TDRD1: variants seen among roughly 807,000 people sequenced by gnomAD.
TDRD1 encodes the protein tudor domain containing 1.
In TDRD1, 37 loss-of-function variants were observed where a neutral mutation model predicts 140.6. The ratio of observed to expected loss-of-function variants is 0.26; its 90% confidence interval spans 0.20 to 0.35. The LOEUF is 0.35. Ranked by LOEUF, TDRD1 falls within the 10% of genes least tolerant of loss-of-function variation. The probability of loss-of-function intolerance (pLI) is 1.00; values close to 1 mark genes in which losing one functional copy is unlikely to be tolerated. For synonymous variants in TDRD1, 506 were observed against 475.7 expected, an observed-to-expected ratio of 1.06 and a Z score of -0.83; for missense variants, 1,243 against 1,393.0, an observed-to-expected ratio of 0.89 and a Z score of 1.71.
At position 114,227,972 on chromosome 10, in the gene TDRD1, T is replaced by G. The variant is rs575247450; in HGVS notation, c.3450+16T>G. 6.2e-7 allele frequency: 1 copy of G among 1,612,452 alleles called. No individual in the cohort carries two copies. Among genetic ancestry groups the G allele is most frequent in the East Asian group, 2.2e-5 (1 of 44,850 alleles). On this transcript the variant is annotated intron_variant, in intron 24 of 25. Transcript: ENST00000251864. ...ACAGAAACAAGTAGGTAAAATTTCC[T>G]TTAAGTGAAATTATACTCCTAACGT...
intron 16 of TDRD1, among the ~76,000 whole-genome samples, chr10:114,216,488 A>G (rs753954960): frequency 6.6e-6 from 1 of 152,222 alleles, no homozygotes; most frequent in Non-Finnish European, 1.5e-5. Context: ...ATTAAACTAG[A>G]TAACTAAGGT....
At chr10:114,207,165 T>C (rs1326324627) in intron 11 of TDRD1, among the ~76,000 whole-genome samples, 1 of 152,252 alleles carries the variant, frequency 6.6e-6, no homozygotes, top group African/African-American at 2.4e-5. Context: ...ATCCTTTACT[T>C]TGCTCCTGTA....
intron 16 of TDRD1, among the ~76,000 whole-genome samples, chr10:114,215,829 A>G (rs1049853451): frequency 3.3e-5 from 5 of 152,216 alleles, no homozygotes; most frequent in South Asian, 2.1e-4. Flanking sequence ...AAAAGTGTAT[A>G]TAGTGCAAAG....
chr10:114,175,040 T>TA (rs1342861539), upstream of TDRD1, among the ~76,000 whole-genome samples: 3 of 152,232 alleles, frequency 2.0e-5, no homozygotes, highest in South Asian at 4.1e-4. Context: ...AAGCAAAACT[T>TA]ACTACTGTTC....
intron 21 of TDRD1, among the ~76,000 whole-genome samples, chr10:114,225,680 C>T (rs918091742): frequency 6.6e-6 from 1 of 151,758 alleles, no homozygotes; most frequent in Non-Finnish European, 1.5e-5. Flanking sequence ...GGCAGCATGG[C>T]AAGACTATCT....
At chr10:114,191,010 A>G (rs1342585271) in exon 3 of TDRD1, 3 of 1,613,936 alleles carry the variant, frequency 1.9e-6, no homozygotes, top group South Asian at 1.1e-5. Flanking sequence ...CACCCAAAGA[A>G]GTGAATATTG....
intron 22 of TDRD1, among the ~76,000 whole-genome samples, chr10:114,226,839 A>T (rs1333777085): frequency 2.6e-5 from 4 of 152,174 alleles, no homozygotes; most frequent in Non-Finnish European, 4.4e-5. Context: ...TGAAGGACAG[A>T]TGTGTCTGTT....
exon 10 of TDRD1, chr10:114,204,832 T>C: frequency 6.3e-7 from 1 of 1,599,092 alleles, no homozygotes; most frequent in Non-Finnish European, 8.5e-7. Context: ...CCATAAAGAT[T>C]GTCGACATCT....
chr10:114,217,577 T>G, exon 17 of TDRD1: 2 of 1,603,108 alleles, frequency 1.2e-6, no homozygotes, highest in Non-Finnish European at 1.7e-6. Flanking sequence ...GAACAAGTCA[T>G]TAGCAGAACA....
chr10:114,220,761 A>G, exon 19 of TDRD1: 1 of 1,612,316 alleles, frequency 6.2e-7, no homozygotes, highest in Non-Finnish European at 8.5e-7. Flanking sequence ...TGGTTTTAAA[A>G]TCTGCTTCAC....
At chr10:114,198,517 C>G (rs1044785986) in intron 3 of TDRD1, among the ~76,000 whole-genome samples, 11 of 152,192 alleles carry the variant, frequency 7.2e-5, no homozygotes, top group African/African-American at 2.4e-4. Flanking sequence ...GCCCCACACT[C>G]TCCCTTTGTG....
chr10:114,222,576 A>G lies in TDRD1; in HGVS notation c.2891-11A>G. The G allele has an allele frequency of 1.9e-6, 3 of 1,555,210 alleles. No individual in the cohort carries two copies. Among genetic ancestry groups the G allele is most frequent in the Non-Finnish European group, 2.7e-6 (3 of 1,130,486 alleles). On this transcript the variant is annotated splice_polypyrimidine_tract_variant and intron_variant, in intron 20 of 25. Coordinates refer to ENST00000251864, the Ensembl canonical transcript of TDRD1. Reference sequence around the variant, plus strand: ...ATTTTCTTCACAAAAGATTGCTTTTATATATTTTAGAAAATCAGGAAAAGC... The same window carrying G: ...ATTTTCTTCACAAAAGATTGCTTTTGTATATTTTAGAAAATCAGGAAAAGC...
chr10:114,192,453 C>T (rs11196653), intron 3 of TDRD1, among the ~76,000 whole-genome samples: 1,523 of 151,354 alleles, frequency 0.01, 14 homozygotes, highest in Non-Finnish European at 0.016. Context: ...TACAGGTGGC[C>T]GCCACTACGC....
upstream of TDRD1, among the ~76,000 whole-genome samples, chr10:114,177,544 G>C (rs1000847374): frequency 1.3e-5 from 2 of 152,134 alleles, no homozygotes; most frequent in African/African-American, 4.8e-5. Context: ...TTGACATCAA[G>C]GTCATCAAAA....
chr10:114,231,497 C>A (rs773591579), exon 26 of TDRD1: 10 of 1,602,086 alleles, frequency 6.2e-6, no homozygotes, highest in Non-Finnish European at 8.5e-6. Flanking sequence ...AACAGCATCT[C>A]TTGGAGGTAA....
Position 114,202,394 on chromosome 10 carries a change from T to C in TDRD1, c.696+96T>C, listed in dbSNP as rs1423028009. 4 of 850,922 alleles carry C rather than the reference T, an allele frequency of 4.7e-6. No homozygotes were observed. The African/African-American group carries it at 7.0e-5, about 15-fold the overall frequency. The allele number at this position is 850,922 out of a possible 1,614,324, so 52.7% of individuals were successfully genotyped here. A position where few individuals can be genotyped will look rare whatever the true frequency, so the allele number is the denominator to read the frequency against. ...TAGGCTTATTTCTGTATTTTATCAATATTTAAAGGCAAGTTTCCTATTATA... is the reference window on the plus strand; with the variant it reads ...TAGGCTTATTTCTGTATTTTATCAACATTTAAAGGCAAGTTTCCTATTATA... On this transcript the variant is annotated intron_variant, in intron 6 of 25. Coordinates refer to ENST00000251864, the Ensembl canonical transcript of TDRD1.
chr10:114,198,601 G>A (rs1270856840), intron 3 of TDRD1, among the ~76,000 whole-genome samples: 2 of 147,404 alleles, frequency 1.4e-5, no homozygotes, highest in Admixed American at 6.9e-5. Context: ...CTGTCTTGCT[G>A]GTCTGCCTCT....
At chr10:114,204,869 G>T (rs1323347396) in exon 10 of TDRD1, 5 of 1,592,004 alleles carry the variant, frequency 3.1e-6, no homozygotes, top group Admixed American at 1.8e-5. Context: ...TACCTTTGCT[G>T]TAGAAGTTGA....
At chr10:114,218,636 A>AT in intron 18 of TDRD1, 52 bp downstream of exon 18, 1 of 1,269,050 alleles carries the variant, frequency 7.9e-7, no homozygotes, top group Non-Finnish European at 1.1e-6. Context: ...TGGGGCATAT[A>AT]ATCCAAGTGT....
Sources: gnomAD v4.1 joint callset for allele counts (sites outside exome capture counted in the v4.1 genomes callset) on GRCh38, gnomAD v4.1.1 for gene constraint, MANE v1.5 for transcripts, NCBI Gene and HGNC (gene_info 2026-07-23, HGNC 2026-07-21) for gene names.